The following CNOT11 variants were observed in gnomAD, a reference collection of about 807,000 sequenced individuals.
CNOT11 encodes UPF0760 protein C2orf29.
In CNOT11, 18 loss-of-function variants were observed where a neutral mutation model predicts 44.6. The observed-to-expected ratio is 0.40, with a 90% confidence interval of 0.28 to 0.60. The LOEUF (loss-of-function observed/expected upper bound fraction) is 0.60, where lower values mean the gene tolerates loss of function less well. Among genes scored for constraint, CNOT11 ranks in the 20% least tolerant of loss-of-function variants. The pLI is 0.38. For synonymous variants in CNOT11, 291 were observed against 270.9 expected (o/e 1.07, Z -0.73); for missense variants, 513 against 677.0 (o/e 0.76, Z 2.69).
At chr2:101,267,057 G>T (rs893431771) in intron 5 of CNOT11, among the ~76,000 whole-genome samples, 178 bp downstream of exon 5, 6 of 152,206 alleles carry the variant, frequency 3.9e-5, no homozygotes, top group Admixed American at 3.3e-4. Flanking sequence ...AAGAACTGAG[G>T]GTAGGATTTC....
intron 2 of CNOT11, among the ~76,000 whole-genome samples, chr2:101,259,127 T>C (rs576211797): frequency 1.2e-4 from 18 of 152,254 alleles, no homozygotes; most frequent in Admixed American, 1.0e-3. Flanking sequence ...TCGTGAGACC[T>C]GTCTCGGGAT....
At position 101,269,368 on chromosome 2, in the gene CNOT11, A is replaced by G. The variant is rs781284403; in HGVS notation, c.1488A>G (p.Thr496=). ...EAAGLFRLLK[T]LDTGETPSET... is the part of the protein sequence containing the mutation. ...CTGGTCTTTTCCGGTTGTTGAAGAC[A>G]TTGGATACTGGGGAAACACCTTCTG... The change falls in exon 7 of 7, where the codon ACA becomes ACG. Residue 496 remains threonine (T), a synonymous_variant. Transcript: ENST00000289382. The surrounding 1 kb of genome is among the most constrained non-coding windows in gnomAD (Gnocchi z 4.8). 1 of 1,614,162 alleles carries G rather than the reference A, an allele frequency of 6.2e-7. No homozygotes were observed. The highest frequency in any genetic ancestry group is 1.1e-5 in the South Asian group (1 of 91,090).
In CNOT11 at chr2:101,253,295, C is replaced by A; in HGVS notation, c.331C>A (p.Leu111Met). The A allele has an allele frequency of 6.2e-7, 1 of 1,610,922 alleles. No individual in the cohort carries two copies. The highest frequency in any genetic ancestry group is 8.5e-7 in the Non-Finnish European group (1 of 1,179,490). ...CCGCCTGGGCTCGGTGCTCGTCATG[C>A]TGCTCCAGCAGCCCGACCTGCTGCC... Reference protein sequence around the residue: ...HFRLGSVLVMLLQQPDLLPSA... With the variant: ...HFRLGSVLVMMLQQPDLLPSA... The change falls in exon 1 of 7, where the codon CTG (leucine) becomes ATG (methionine). Residue 111 changes from leucine to methionine, a missense_variant. Leu to Met is a conservative substitution (Grantham distance 15). Around this residue, in one of 4 missense-constraint regions of CNOT11, gnomAD observed 259 missense variants for 265.7 expected, o/e 0.97. Transcript: ENST00000289382. This position sits in a 1 kb window ranked among gnomAD's most constrained non-coding sequence, Gnocchi z 4.3.
intron 2 of CNOT11, chr2:101,262,300 A>T (rs1014647632): frequency 2.5e-4 from 112 of 455,420 alleles, no homozygotes; most frequent in African/African-American, 2.0e-3. Context: ...TTGTTTTATT[A>T]TAACATTGAT....
chr2:101,252,937 C>G lies in CNOT11; in HGVS notation c.-28C>G. ...GAGCCGGCGCCAGGGCCCCTCGGGC[C>G]GGGAAGAGGGGAAGGGGAGCGAGGT... On this transcript the variant is annotated 5_prime_UTR_variant, in exon 1 of 7. Coordinates refer to ENST00000289382, the MANE Select transcript of CNOT11 (RefSeq NM_017546.5). 1 of 1,415,362 alleles carries G rather than the reference C, an allele frequency of 7.1e-7. No homozygotes were observed. Among genetic ancestry groups the G allele is most frequent in the South Asian group, 1.5e-5 (1 of 66,782 alleles). The allele number at this position is 1,415,362 out of a possible 1,614,324, so 87.7% of individuals were successfully genotyped here.
At chr2:101,257,689 T>G (rs1162730341) in intron 1 of CNOT11, 102 bp from the exon 2 acceptor site, 1 of 861,380 alleles carries the variant, frequency 1.2e-6, no homozygotes, top group Non-Finnish European at 1.8e-6. Flanking sequence ...TTCTTAAAAC[T>G]ATGTGGCTTG....
Position 101,253,620 on chromosome 2 carries a change from C to A in CNOT11, c.514+142C>A. ...TCTTTTTCCGCCTCTCTCTGCGTTC[C>A]CACGCCCCTCACTCCTCCCCGCCTT... On this transcript the variant is annotated intron_variant, in intron 1 of 6. Coordinates refer to ENST00000289382, the MANE Select transcript of CNOT11 (RefSeq NM_017546.5). This position sits in a 1 kb window ranked among gnomAD's most constrained non-coding sequence, Gnocchi z 4.3. 2.4e-6 allele frequency: 2 copies of A among 836,106 alleles called. No homozygotes were observed. The highest frequency in any genetic ancestry group is 1.8e-6 in the Non-Finnish European group (1 of 571,168). The allele number at this position is 836,106 out of a possible 1,614,324, so 51.8% of individuals were successfully genotyped here. A position where few individuals can be genotyped will look rare whatever the true frequency, so the allele number is the denominator to read the frequency against.
Position 101,252,941 on chromosome 2 carries a change from A to T in CNOT11, c.-24A>T. The T allele has an allele frequency of 1.4e-6, 2 of 1,420,576 alleles. No individual in the cohort carries two copies. Among genetic ancestry groups the T allele is most frequent in the Non-Finnish European group, 1.8e-6 (2 of 1,097,660 alleles). 88.0% of individuals were successfully genotyped at this position (1,420,576 alleles called of 1,614,324 possible). ...CGGCGCCAGGGCCCCTCGGGCCGGG[A>T]AGAGGGGAAGGGGAGCGAGGTTGAT... On this transcript the variant is annotated 5_prime_UTR_variant, in exon 1 of 7. Transcript: ENST00000289382.
intron 1 of CNOT11, among the ~76,000 whole-genome samples, chr2:101,256,549 C>T (rs1681738670): frequency 2.0e-5 from 3 of 152,182 alleles, no homozygotes; most frequent in African/African-American, 7.2e-5. Context: ...AGGGAAGGAA[C>T]ATTCAGCCTT....
chr2:101,258,375 G>A (rs955873291), intron 2 of CNOT11, among the ~76,000 whole-genome samples: 3 of 150,476 alleles, frequency 2.0e-5, no homozygotes, highest in Admixed American at 6.6e-5. Context: ...TCCAGCCTGG[G>A]CTACAGTGAG....
Position 101,269,647 on chromosome 2 carries a change from G to T in CNOT11, c.*234G>T. Reference sequence around the variant, plus strand: ...GCTGATGACTATCCATAGGAGGAATGGCTATCCCAAAAAAAGTTCCGCAAA... The same window carrying T: ...GCTGATGACTATCCATAGGAGGAATTGCTATCCCAAAAAAAGTTCCGCAAA... On this transcript the variant is annotated 3_prime_UTR_variant, in exon 7 of 7. Transcript: ENST00000289382. This position sits in a 1 kb window ranked among gnomAD's most constrained non-coding sequence, Gnocchi z 4.8. 5.4e-6 allele frequency: 2 copies of T among 367,846 alleles called. No individual in the cohort carries two copies. The highest frequency in any genetic ancestry group is 9.7e-6 in the Non-Finnish European group (2 of 206,854). The allele number at this position is 367,846 out of a possible 1,614,324, so 22.8% of individuals were successfully genotyped here.
intron 2 of CNOT11, among the ~76,000 whole-genome samples, chr2:101,262,233 G>T (rs1681880921): frequency 6.6e-6 from 1 of 152,146 alleles, no homozygotes. Flanking sequence ...GTTGGAAACT[G>T]CAGATTTAAG....
chr2:101,258,813 CAAAAA>C (rs34756086), intron 2 of CNOT11, among the ~76,000 whole-genome samples: 3 of 99,774 alleles, frequency 3.0e-5, no homozygotes, highest in Non-Finnish European at 4.0e-5. Context: ...GAGTCTGTCT[CAAAAA>C]AAAAAAAAAA....
chr2:101,263,497 C>T (rs1681913767), intron 3 of CNOT11, among the ~76,000 whole-genome samples: 1 of 152,160 alleles, frequency 6.6e-6, no homozygotes, highest in African/African-American at 2.4e-5. Context: ...ATCCTCCTAC[C>T]TCAGACTCCC....
chr2:101,266,951 C>A, intron 5 of CNOT11, 72 bp downstream of exon 5: 1 of 1,130,900 alleles, frequency 8.8e-7, no homozygotes. Flanking sequence ...AAAATTGTAA[C>A]AGATTTTTGT....
Position 101,253,074 on chromosome 2 carries a change from C to A in CNOT11, c.110C>A (p.Ser37Tyr). 1.3e-6 allele frequency: 2 copies of A among 1,516,112 alleles called. No individual in the cohort carries two copies. The highest frequency in any genetic ancestry group is 2.1e-4 in the Middle Eastern group (1 of 4,654). The allele number at this position is 1,516,112 out of a possible 1,614,324, so 93.9% of individuals were successfully genotyped here. ...GSASRSGFGG[S>Y]GGGRGGASGP... ...GCGTCCAGGAGCGGCTTCGGGGGCTCCGGCGGCGGCAGAGGCGGAGCAAGC... is the reference window on the plus strand; with the variant it reads ...GCGTCCAGGAGCGGCTTCGGGGGCTACGGCGGCGGCAGAGGCGGAGCAAGC... Residue 37 changes from serine to tyrosine, a missense_variant, in exon 1 of 7, where the codon TCC becomes TAC. Ser to Tyr is a moderately radical substitution (Grantham distance 144). This residue lies in a region of CNOT11 where 259 missense variants were observed against 265.7 expected (regional missense o/e 0.97). Transcript: ENST00000289382. The surrounding 1 kb of genome is among the most constrained non-coding windows in gnomAD (Gnocchi z 4.3).
chr2:101,257,395 A>G (rs1002417353), intron 1 of CNOT11, among the ~76,000 whole-genome samples: 1 of 147,286 alleles, frequency 6.8e-6, no homozygotes, highest in East Asian at 2.0e-4. Context: ...CTTCATCTCA[A>G]AAAAAAAAAA....
chr2:101,261,891 G>A (rs1681872539), intron 2 of CNOT11, among the ~76,000 whole-genome samples: 1 of 129,430 alleles, frequency 7.7e-6, no homozygotes, highest in Non-Finnish European at 1.6e-5. Flanking sequence ...CTGTCGCCCA[G>A]GCTGGAGTGC....
chr2:101,264,507 A>G (rs1464425078), intron 3 of CNOT11, among the ~76,000 whole-genome samples: 3 of 152,186 alleles, frequency 2.0e-5, no homozygotes, highest in Admixed American at 6.5e-5. Context: ...TTTTCATCAA[A>G]AGACTTCACC....
Sources: allele counts gnomAD v4.1 joint callset (sites outside exome capture counted in the v4.1 genomes callset), GRCh38; gene constraint gnomAD v4.1.1; regional missense constraint gnomAD v4.1.1; non-coding constraint Gnocchi (gnomAD v3.1); transcripts MANE v1.5; gene names NCBI Gene and HGNC (gene_info 2026-07-23, HGNC 2026-07-21).